The following CACNG6 variants were observed in gnomAD, a reference collection of about 807,000 sequenced individuals.
CACNG6 encodes the protein calcium voltage-gated channel auxiliary subunit gamma 6.
Under a neutral mutation model 23.9 loss-of-function variants are expected in CACNG6, and 21 were observed. The observed-to-expected ratio is 0.88, with a 90% CI of 0.62 to 1.26. CACNG6 has a LOEUF of 1.26. Among genes scored for constraint, CACNG6 ranks in the 50% most tolerant of loss-of-function variants. The pLI is 0.00. For missense variants in CACNG6, 340 were observed against 352.9 expected, an observed-to-expected ratio of 0.96 and a Z score of 0.29; for synonymous variants, 182 against 168.9, an observed-to-expected ratio of 1.08 and a Z score of -0.60.
chr19:53,994,760 G>A (rs113843134), intron 1 of CACNG6, among the ~76,000 whole-genome samples: 48 of 152,266 alleles, frequency 3.2e-4, no homozygotes, highest in African/African-American at 1.2e-3. Flanking sequence ...GATGTCCCAA[G>A]CCCTCGATAG....
intron 1 of CACNG6, among the ~76,000 whole-genome samples, chr19:53,994,273 C>T (rs1037385082): frequency 1.3e-5 from 2 of 152,200 alleles, no homozygotes; most frequent in African/African-American, 4.8e-5. Context: ...GAGGGCAGAC[C>T]TTGTTCCTTC....
At chr19:53,998,508 A>AC (rs1689491266) in intron 2 of CACNG6, among the ~76,000 whole-genome samples, 195 bp downstream of exon 2, 2 of 117,938 alleles carry the variant, frequency 1.7e-5, no homozygotes, top group African/African-American at 7.5e-5. Flanking sequence ...AATCTAGAGA[A>AC]CTCTTTTTTT....
Position 54,008,581 on chromosome 19 carries a change from T to C in CACNG6, c.545-3370T>C, listed in dbSNP as rs574789098. 4.6e-5 allele frequency among the ~76,000 whole-genome samples: 7 copies of C among 152,234 alleles called. No individual in the cohort carries two copies. The South Asian group carries it at 1.2e-3, about 27-fold the overall frequency. ...CCGCCTCTCTCCCCAACCCCAACTC[T>C]CCTTGCTCCCACCACACTCAGCTTT... is the stretch of plus-strand genomic sequence containing the variant. On this transcript the variant is annotated intron_variant, in intron 3 of 3. Transcript: ENST00000252729.
chr19:54,006,851 G>GTTATT (rs892464363), intron 3 of CACNG6, among the ~76,000 whole-genome samples: 13 of 134,962 alleles, frequency 9.6e-5, no homozygotes, highest in Non-Finnish European at 1.6e-4. Context: ...TTTTTATTTT[G>GTTATT]TTATTTTATT....
chr19:54,011,852 G>C, intron 3 of CACNG6, 99 bp from the exon 4 acceptor site: 4 of 728,082 alleles, frequency 5.5e-6, no homozygotes, highest in Non-Finnish European at 8.2e-6. Context: ...GCGTGGGAAG[G>C]TGCCAGGGTG....
At chr19:53,994,233 C>T (rs7343084) in intron 1 of CACNG6, among the ~76,000 whole-genome samples, 40 of 152,288 alleles carry the variant, frequency 2.6e-4, no homozygotes, top group African/African-American at 9.6e-4. Context: ...TCCACCAAAC[C>T]AAGCTCTCAC....
In CACNG6 at chr19:53,991,738, G is replaced by C. The variant is rs762033900; in HGVS notation, c.-1140G>C. On this transcript the variant is annotated 5_prime_UTR_variant, in exon 1 of 4. Transcript: ENST00000252729. Reference sequence around the variant, plus strand: ...GGAGAGCGAGAGGGGCCCCTGCTCGGGAGTCGGGGGTGGGAGCCCCGAGGG... The same window carrying C: ...GGAGAGCGAGAGGGGCCCCTGCTCGCGAGTCGGGGGTGGGAGCCCCGAGGG... Among the ~76,000 whole-genome samples, 150 of 152,180 alleles carry C rather than the reference G, an allele frequency of 9.9e-4. No homozygotes were observed. The highest frequency in any genetic ancestry group is 1.7e-3 in the Non-Finnish European group (118 of 67,950).
intron 3 of CACNG6, among the ~76,000 whole-genome samples, chr19:54,011,572 G>T (rs892266683): frequency 6.6e-6 from 1 of 151,576 alleles, no homozygotes; most frequent in Admixed American, 6.6e-5. Context: ...TCATTTTCCA[G>T]CGTACGGTTC....
chr19:54,008,661 A>C (rs460323), intron 3 of CACNG6, among the ~76,000 whole-genome samples: 113,642 of 151,746 alleles, frequency 0.75, 43,216 homozygotes, highest in East Asian at 0.96. Context: ...TCGCGTCAGC[A>C]CCTCCTTCTG....
intron 3 of CACNG6, among the ~76,000 whole-genome samples, chr19:54,006,517 C>CTTTTTTTTTTTTTT (rs1236056716): frequency 1.6e-4 from 17 of 107,324 alleles, no homozygotes; most frequent in African/African-American, 4.5e-4. Flanking sequence ...TTCCTTCTTT[C>CTTTTTTTTTTTTTT]TTTTCTTTTT....
At chr19:54,004,299 A>G (rs2069611190) in intron 3 of CACNG6, among the ~76,000 whole-genome samples, 1 of 150,804 alleles carries the variant, frequency 6.6e-6, no homozygotes, top group Admixed American at 6.6e-5. Context: ...CTGGGATTAC[A>G]GGCATGCGCC....
At chr19:54,003,962 A>G (rs1295194855) in intron 3 of CACNG6, among the ~76,000 whole-genome samples, 1 of 152,038 alleles carries the variant, frequency 6.6e-6, no homozygotes, top group East Asian at 1.9e-4. Context: ...GGCTCAAGCA[A>G]TCCTCCCACC....
intron 3 of CACNG6, 111 bp downstream of exon 3, chr19:53,999,882 G>C: frequency 3.3e-5 from 43 of 1,290,388 alleles, no homozygotes; most frequent in Non-Finnish European, 4.4e-5. Flanking sequence ...CTCAGAGATG[G>C]AATCTCTATG....
intron 3 of CACNG6, among the ~76,000 whole-genome samples, chr19:54,004,152 C>T (rs2069608927): frequency 6.6e-6 from 1 of 151,940 alleles, no homozygotes; most frequent in East Asian, 1.9e-4. Context: ...CCACCGCACC[C>T]GGCCAAGTGA....
rs2069484272 is a variant in CACNG6 at position 53,993,195 on chromosome 19, G to A, written c.318G>A (p.Ala106=). The change falls in exon 1 of 4, where the codon GCG becomes GCA. Residue 106 remains alanine, a synonymous_variant. Transcript: ENST00000252729. ...TGGACAGGGACACCTGCGGCCCCGC[G>A]GAGCTGCCCGGAGGTGAGCAGCCGC... ...VPVDRDTCGP[A]ELPGEANCTY... 6.5e-7 allele frequency: 1 copy of A among 1,540,070 alleles called. No individual in the cohort carries two copies. Among genetic ancestry groups the A allele is most frequent in the Non-Finnish European group, 8.7e-7 (1 of 1,145,526 alleles).
chr19:54,011,024 G>T (rs1175565131), intron 3 of CACNG6, among the ~76,000 whole-genome samples: 1 of 150,986 alleles, frequency 6.6e-6, no homozygotes, highest in Non-Finnish European at 1.5e-5. Context: ...ATTTCTTCAT[G>T]TTGTGACCAT....
At chr19:54,004,631 C>G (rs903285476) in intron 3 of CACNG6, among the ~76,000 whole-genome samples, 1 of 152,124 alleles carries the variant, frequency 6.6e-6, no homozygotes, top group Non-Finnish European at 1.5e-5. Flanking sequence ...CGGGCTGACT[C>G]CCGGCGCCCT....
Position 53,993,200 on chromosome 19 carries a change from T to C in CACNG6, c.323T>C (p.Leu108Pro), listed in dbSNP as rs1053131701. Reference protein sequence around the residue: ...VDRDTCGPAELPGEANCTYFK... With the variant: ...VDRDTCGPAEPPGEANCTYFK... ...AGGGACACCTGCGGCCCCGCGGAGC[T>C]GCCCGGAGGTGAGCAGCCGCCGCCC... is the stretch of plus-strand genomic sequence containing the variant. The change falls in exon 1 of 4, where the codon CTG (leucine) becomes CCG (proline). Residue 108 changes from leucine (L) to proline (P), a missense_variant. Leu to Pro is a moderately conservative substitution (Grantham distance 98). Coordinates refer to ENST00000252729, the MANE Select transcript of CACNG6 (RefSeq NM_145814.2). 1.3e-6 allele frequency: 2 copies of C among 1,538,332 alleles called. No homozygotes were observed. Among genetic ancestry groups the C allele is most frequent in the Non-Finnish European group, 1.7e-6 (2 of 1,144,896 alleles).
At position 53,999,663 on chromosome 19, in the gene CACNG6, G is replaced by C. The variant is rs562607079; in HGVS notation, c.436G>C (p.Val146Leu). ...GAATCTGGCAGCTGCGGTGATAGCA[G>C]TGCTGGGCCTGGCAGTCATGGCCTT... ...EVNLAAAVIA[V>L]LGLAVMALGC... Residue 146 changes from valine (V) to leucine (L), a missense_variant, in exon 3 of 4, where the codon GTG becomes CTG. Coordinates refer to ENST00000252729, the MANE Select transcript of CACNG6 (RefSeq NM_145814.2). 4 of 1,613,972 alleles carry C rather than the reference G, an allele frequency of 2.5e-6. No homozygotes were observed. In the African/African-American group the frequency reaches 5.3e-5, roughly 22 times the overall value.
Sources: allele counts gnomAD v4.1 joint callset (sites outside exome capture counted in the v4.1 genomes callset), GRCh38; gene constraint gnomAD v4.1.1; transcripts MANE v1.5; gene names NCBI Gene and HGNC (gene_info 2026-07-23, HGNC 2026-07-21).